Variants in JAK2 observed in about 807,000 individuals in gnomAD.
JAK2 encodes the protein tyrosine-protein kinase JAK2.
A neutral mutation model predicts 139.3 loss-of-function variants in JAK2; 86 were observed. That is an observed-to-expected ratio of 0.62 (90% CI 0.52 to 0.74). The LOEUF (loss-of-function observed/expected upper bound fraction) is 0.74. JAK2 is among the 30% of genes least tolerant of loss of function. The probability of loss-of-function intolerance (pLI) is 0.00; values close to 1 mark genes in which losing one functional copy is unlikely to be tolerated. For missense variants in JAK2, 1,421 were observed against 1,360.3 expected (o/e 1.04, Z -0.70); for synonymous variants, 490 against 437.7 (o/e 1.12, Z -1.49).
chr9:5,096,387 A>G (rs964242024), intron 22 of JAK2, among the ~76,000 whole-genome samples: 1 of 152,222 alleles, frequency 6.6e-6, no homozygotes, highest in African/African-American at 2.4e-5. Flanking sequence ...CAAATCAACC[A>G]CTTTAATTAA....
At chr9:5,017,202 C>A (rs927627308) in intron 2 of JAK2, among the ~76,000 whole-genome samples, 1 of 151,936 alleles carries the variant, frequency 6.6e-6, no homozygotes, top group African/African-American at 2.4e-5. Context: ...AGAGTGAGGG[C>A]AACATATTTT....
chr9:4,993,786 T>TG (rs1195558677), intron 2 of JAK2, among the ~76,000 whole-genome samples: 1 of 152,206 alleles, frequency 6.6e-6, no homozygotes. Flanking sequence ...TTCATAACGT[T>TG]GATAAGAAAA....
intron 8 of JAK2, among the ~76,000 whole-genome samples, chr9:5,063,092 G>T (rs899332440): frequency 6.6e-6 from 1 of 152,044 alleles, no homozygotes; most frequent in South Asian, 2.1e-4. Context: ...TCACATGCTT[G>T]TCTCTTTATT....
chr9:5,015,602 A>G (rs1371055579), intron 2 of JAK2, among the ~76,000 whole-genome samples: 2 of 151,296 alleles, frequency 1.3e-5, no homozygotes, highest in Admixed American at 1.3e-4. Context: ...TGGCATGAGC[A>G]CAATCACTGC....
chr9:5,062,499 G>C (rs998796133), intron 8 of JAK2, among the ~76,000 whole-genome samples: 26 of 40,666 alleles, frequency 6.4e-4, no homozygotes, highest in Non-Finnish European at 1.1e-4. Context: ...CCTTCCATTT[G>C]TAAAAAAAAA....
intron 22 of JAK2, chr9:5,111,715 C>T (rs1192363231): frequency 1.2e-5 from 5 of 433,422 alleles, no homozygotes; most frequent in South Asian, 8.5e-5. Flanking sequence ...GCGGCCTGCA[C>T]CAGCACGAGC....
chr9:5,062,824 G>A (rs892605955), intron 8 of JAK2, among the ~76,000 whole-genome samples: 1 of 152,094 alleles, frequency 6.6e-6, no homozygotes, highest in Non-Finnish European at 1.5e-5. Context: ...ACCTGAGATT[G>A]AGCAATACCT....
intron 13 of JAK2, among the ~76,000 whole-genome samples, chr9:5,072,909 A>G (rs960579857): frequency 4.5e-4 from 68 of 152,218 alleles, no homozygotes; most frequent in Non-Finnish European, 1.8e-4. Flanking sequence ...GGCTCCCCAG[A>G]GCTTTATGGG....
rs1824156780 is a variant in JAK2, at chr9:5,128,658, C to T, written c.*1867C>T. On this transcript the variant is annotated 3_prime_UTR_variant, in exon 25 of 25. Transcript: ENST00000381652. ...TTTTATATAAAGAATCCCACATGTACATTCTTGTTTTTAGAATGGGGTGAC... is the reference window on the plus strand; with the variant it reads ...TTTTATATAAAGAATCCCACATGTATATTCTTGTTTTTAGAATGGGGTGAC... 6.6e-6 allele frequency among the ~76,000 whole-genome samples: 1 copy of T among 151,854 alleles called. No individual in the cohort carries two copies. Among genetic ancestry groups the T allele is most frequent in the African/African-American group, 2.4e-5 (1 of 41,412 alleles).
At chr9:5,114,724 AC>A (rs1822984966) in intron 22 of JAK2, 1 of 375,618 alleles carries the variant, frequency 2.7e-6, no homozygotes, top group Non-Finnish European at 5.2e-6. Context: ...GAACAGAAAA[AC>A]GAGTTCATCT....
In JAK2 at chr9:5,072,954, GA is replaced by G. The variant is rs76887339; in HGVS notation, c.1776+337del. ...GGCTCCTCTACAATTACATTTATTT[GA>G]AAAAAAAACAAAAAACCAAGTTTCA... On this transcript the variant is annotated intron_variant, in intron 13 of 24. Coordinates refer to ENST00000381652, the MANE Select transcript of JAK2 (RefSeq NM_004972.4). 9.4e-5 allele frequency among the ~76,000 whole-genome samples: 14 copies of G among 149,334 alleles called. No individual in the cohort carries two copies. The East Asian group carries it at 2.4e-3, about 25-fold the overall frequency.
chr9:5,079,644 A>T (rs936684703), intron 16 of JAK2, among the ~76,000 whole-genome samples: 4 of 150,530 alleles, frequency 2.7e-5, no homozygotes, highest in African/African-American at 4.9e-5. Flanking sequence ...AAACTATATA[A>T]AAAAAAAAGA....
chr9:5,111,484 G>T, intron 22 of JAK2: 1 of 377,052 alleles, frequency 2.7e-6, no homozygotes, highest in Admixed American at 3.6e-5. Flanking sequence ...CAGGTGAGGA[G>T]TACGGTAGGG....
intron 2 of JAK2, among the ~76,000 whole-genome samples, chr9:5,019,957 C>G (rs978426893): frequency 3.3e-5 from 5 of 152,128 alleles, no homozygotes; most frequent in African/African-American, 4.8e-5. Flanking sequence ...TACATTAGCC[C>G]CAGGGTGGCT....
At chr9:5,085,929 C>G (rs117283946) in intron 19 of JAK2, 20,881 of 1,088,782 alleles carry the variant, frequency 0.019, 294 homozygotes, top group Non-Finnish European at 0.024. Flanking sequence ...TTTCAAGTCT[C>G]TCCAACCGAG....
intron 20 of JAK2, 145 bp downstream of exon 20, chr9:5,090,008 G>C (rs1052632545): frequency 8.4e-6 from 4 of 474,036 alleles, no homozygotes; most frequent in Non-Finnish European, 1.4e-5. Context: ...ATTGTGTTTG[G>C]TGATCATAGA....
Position 5,027,407 on chromosome 9 carries a change from C to T in JAK2, c.227-2376C>T, listed in dbSNP as rs1313950636. Among the ~76,000 whole-genome samples, 2 of 152,110 alleles carry T rather than the reference C, an allele frequency of 1.3e-5. 1 individual carries two copies. Among genetic ancestry groups the T allele is most frequent in the Admixed American group, 1.3e-4 (2 of 15,276 alleles). Reference sequence around the variant, plus strand: ...TTAAAAATACTTTATTGTCAAAAAGCACTCATAATCATCTGAGCCTTCAGT... The same window carrying T: ...TTAAAAATACTTTATTGTCAAAAAGTACTCATAATCATCTGAGCCTTCAGT... On this transcript the variant is annotated intron_variant, in intron 3 of 24. Coordinates refer to ENST00000381652, the MANE Select transcript of JAK2 (RefSeq NM_004972.4).
chr9:5,010,848 T>G (rs1821656042), intron 2 of JAK2, among the ~76,000 whole-genome samples: 1 of 152,208 alleles, frequency 6.6e-6, no homozygotes, highest in Non-Finnish European at 1.5e-5. Flanking sequence ...CCTTGAATTT[T>G]GAAAATTCTT....
chr9:5,067,666 A>G (rs1473889110), intron 10 of JAK2, among the ~76,000 whole-genome samples: 3 of 151,882 alleles, frequency 2.0e-5, no homozygotes, highest in South Asian at 2.1e-4. Flanking sequence ...ATATATATAT[A>G]TATTTTATGT....
Sources: gnomAD v4.1 joint callset for allele counts (sites outside exome capture counted in the v4.1 genomes callset) on GRCh38, gnomAD v4.1.1 for gene constraint, MANE v1.5 for transcripts, NCBI Gene and HGNC (gene_info 2026-07-23, HGNC 2026-07-21) for gene names.